SHLD2: variants seen among roughly 807,000 people sequenced by gnomAD.
SHLD2 encodes the protein RINN1-REV7-interacting novel NHEJ regulator 2.
Under a neutral mutation model 73.2 loss-of-function variants are expected in SHLD2, and 30 were observed. That is an observed-to-expected ratio of 0.41 (90% CI 0.31 to 0.56). The LOEUF (loss-of-function observed/expected upper bound fraction) is 0.56, where lower values mean the gene tolerates loss of function less well. Among genes scored for constraint, SHLD2 ranks in the 20% least tolerant of loss-of-function variants. The pLI is 0.28. For missense variants in SHLD2, 745 were observed against 1,055.9 expected (o/e 0.71, Z 4.08); for synonymous variants, 285 against 370.1 (o/e 0.77, Z 2.64).
chr10:87,152,891 A>T lies in SHLD2; in HGVS notation c.1525+12A>T, dbSNP rs775064359. The T allele has an allele frequency of 1.9e-5, 30 of 1,605,606 alleles. No homozygotes were observed. Among genetic ancestry groups the T allele is most frequent in the Non-Finnish European group, 2.3e-5 (27 of 1,177,208 alleles). On this transcript the variant is annotated intron_variant, in intron 3 of 9. Transcript: ENST00000298786. Reference sequence around the variant, plus strand: ...AATTTTACTCACAGGTGAGGTCATTATGGTATAGTGGTAGCTTATTTTATA... The same window carrying T: ...AATTTTACTCACAGGTGAGGTCATTTTGGTATAGTGGTAGCTTATTTTATA...
chr10:87,104,411 A>C (rs1233657261), intron 2 of SHLD2, among the ~76,000 whole-genome samples: 1 of 149,802 alleles, frequency 6.7e-6, no homozygotes, highest in African/African-American at 2.5e-5. Context: ...GCCAGGCATA[A>C]TGGCGAGTGC....
At chr10:87,154,085 T>G (rs1199112617) in intron 3 of SHLD2, 1 of 152,256 alleles carries the variant, frequency 6.6e-6, no homozygotes, top group Non-Finnish European at 1.5e-5. Context: ...CTCCAACTCC[T>G]GGGCTCAATT....
intron 2 of SHLD2, among the ~76,000 whole-genome samples, chr10:87,139,407 T>C (rs1485662579): frequency 1.3e-5 from 2 of 149,104 alleles, no homozygotes; most frequent in Non-Finnish European, 3.0e-5. Context: ...GAAAGATTAC[T>C]AGGCATACAA....
intron 3 of SHLD2, among the ~76,000 whole-genome samples, chr10:87,153,332 G>C (rs944982868): frequency 6.6e-6 from 1 of 152,216 alleles, no homozygotes; most frequent in Non-Finnish European, 1.5e-5. Flanking sequence ...CTTGAGCCCA[G>C]GAGGTTGAGG....
At chr10:87,155,523 A>G (rs1846353327) in intron 3 of SHLD2, among the ~76,000 whole-genome samples, 1 of 151,918 alleles carries the variant, frequency 6.6e-6, no homozygotes, top group South Asian at 2.1e-4. Flanking sequence ...TTTTTCTTTA[A>G]TTTGTTTCAT....
At chr10:87,114,289 A>G (rs1345009216) in intron 2 of SHLD2, 2 of 152,124 alleles carry the variant, frequency 1.3e-5, no homozygotes, top group Admixed American at 6.5e-5. Flanking sequence ...ATGTGTTTCA[A>G]TTTATATTTA....
At chr10:87,156,852 C>T (rs1846467824) in intron 3 of SHLD2, among the ~76,000 whole-genome samples, 1 of 152,118 alleles carries the variant, frequency 6.6e-6, no homozygotes, top group African/African-American at 2.4e-5. Context: ...GTCACCTGAA[C>T]TCATTAATGC....
chr10:87,147,102 T>C (rs1218835551), intron 2 of SHLD2, among the ~76,000 whole-genome samples: 1 of 148,298 alleles, frequency 6.7e-6, no homozygotes, highest in African/African-American at 2.5e-5. Context: ...AAAAACCTTG[T>C]GTTTTATGGA....
At chr10:87,095,515 A>G (rs1181555441) in intron 1 of SHLD2, among the ~76,000 whole-genome samples, 18 of 152,156 alleles carry the variant, frequency 1.2e-4, no homozygotes, top group Non-Finnish European at 2.5e-4. Flanking sequence ...ACACGTGGGC[A>G]GGAAAGCGAG....
At chr10:87,108,557 G>A (rs1025183790) in intron 2 of SHLD2, among the ~76,000 whole-genome samples, 11 of 151,896 alleles carry the variant, frequency 7.2e-5, no homozygotes, top group Non-Finnish European at 1.0e-4. Flanking sequence ...CTCCCACCCC[G>A]GCCTTTTAAA....
intron 2 of SHLD2, among the ~76,000 whole-genome samples, chr10:87,142,285 T>C (rs1371781421): frequency 6.6e-6 from 1 of 152,214 alleles, no homozygotes; most frequent in African/African-American, 2.4e-5. Context: ...TTTAGATAAA[T>C]CAGTGCTTTG....
At chr10:87,095,696 T>G (rs1841803615) in intron 1 of SHLD2, among the ~76,000 whole-genome samples, 1 of 152,262 alleles carries the variant, frequency 6.6e-6, no homozygotes, top group Non-Finnish European at 1.5e-5. Context: ...GTTCAACTGC[T>G]CCGCAGTGTG....
intron 2 of SHLD2, among the ~76,000 whole-genome samples, chr10:87,109,190 A>G (rs894865307): frequency 5.9e-5 from 9 of 152,214 alleles, no homozygotes; most frequent in Non-Finnish European, 1.2e-4. Flanking sequence ...AGGTTTTACT[A>G]AATGGCTACA....
intron 2 of SHLD2, among the ~76,000 whole-genome samples, chr10:87,141,353 TTC>T (rs971314511): frequency 1.3e-5 from 2 of 151,426 alleles, no homozygotes; most frequent in African/African-American, 4.9e-5. Flanking sequence ...TTTTTTTTTT[TTC>T]TGAGATGGAG....
chr10:87,122,165 C>T (rs1589474588), intron 2 of SHLD2, among the ~76,000 whole-genome samples: 1 of 105,148 alleles, frequency 9.5e-6, no homozygotes, highest in African/African-American at 4.6e-5. Context: ...TCTTTCTCCA[C>T]TGACTGTCAA....
chr10:87,100,299 C>A (rs926153514), intron 2 of SHLD2, among the ~76,000 whole-genome samples: 1 of 152,138 alleles, frequency 6.6e-6, no homozygotes, highest in African/African-American at 2.4e-5. Context: ...GATCCAGTTT[C>A]ATTCTTTTGC....
intron 3 of SHLD2, among the ~76,000 whole-genome samples, chr10:87,155,465 T>G (rs1406839184): frequency 6.6e-6 from 1 of 151,406 alleles, no homozygotes; most frequent in Non-Finnish European, 1.5e-5. Flanking sequence ...GCTGAAATAC[T>G]GTTTTTTTGG....
At chr10:87,104,907 C>T (rs1015819906) in intron 2 of SHLD2, among the ~76,000 whole-genome samples, 43 of 152,164 alleles carry the variant, frequency 2.8e-4, no homozygotes, top group African/African-American at 9.6e-4. Context: ...GATCCGCCTG[C>T]CTCCGCCTCC....
At chr10:87,166,544 T>G (rs1286674986) in intron 4 of SHLD2, among the ~76,000 whole-genome samples, 2 of 152,240 alleles carry the variant, frequency 1.3e-5, no homozygotes, top group Admixed American at 1.3e-4. Context: ...AGATTTCAGT[T>G]CTTTTCAAGT....
Sources: gnomAD v4.1 joint callset for allele counts (sites outside exome capture counted in the v4.1 genomes callset) on GRCh38, gnomAD v4.1.1 for gene constraint, MANE v1.5 for transcripts, NCBI Gene and HGNC (gene_info 2026-07-23, HGNC 2026-07-21) for gene names.